HAUS4: variants seen among roughly 807,000 people sequenced by gnomAD.
HAUS4 encodes HAUS augmin like complex subunit 4, also known as HAUS augmin-like complex subunit 4.
HAUS4 carries 34 observed loss-of-function variants against 50.6 expected under a neutral mutation model. That is an observed-to-expected ratio of 0.67 (90% CI 0.51 to 0.90). The LOEUF is 0.90. Among genes scored for constraint, HAUS4 ranks in the 40% least tolerant of loss-of-function variants. The pLI is 0.00. For missense variants in HAUS4, 370 were observed against 428.7 expected (o/e 0.86, Z 1.21); for synonymous variants, 149 against 161.4 (o/e 0.92, Z 0.58).
intron 8 of HAUS4, 118 bp downstream of exon 8, chr14:22,947,483 C>T (rs1373198832): frequency 5.4e-6 from 6 of 1,102,998 alleles, no homozygotes; most frequent in Non-Finnish European, 7.9e-6. Context: ...TGCTATGTGA[C>T]ATTTACTGGA....
At position 22,951,685 on chromosome 14, in the gene HAUS4, T is replaced by C; in HGVS notation, c.335A>G (p.His112Arg). 3 of 1,603,176 alleles carry C rather than the reference T, an allele frequency of 1.9e-6. No individual in the cohort carries two copies. The highest frequency in any genetic ancestry group is 1.7e-6 in the Non-Finnish European group (2 of 1,175,688). ...TNVTSEDKKF[H>R]ETLEQRLLVT... is the part of the protein sequence containing the mutation. ...AAGCAGCCGCTGTTCAAGGGTCTCA[T>C]GAAACTGAGAGAGAGAGAATAAAAA... Residue 112 changes from histidine (H) to arginine (R), a missense_variant, in exon 5 of 10, where the codon CAT (histidine) becomes CGT (arginine). His to Arg is a conservative substitution (Grantham distance 29). Coordinates refer to ENST00000541587, the MANE Select transcript of HAUS4 (RefSeq NM_001166269.2).
At chr14:22,956,239 T>C (rs2044861695) in intron 1 of HAUS4, among the ~76,000 whole-genome samples, 1 of 152,148 alleles carries the variant, frequency 6.6e-6, no homozygotes, top group South Asian at 2.1e-4. Context: ...TTCTGAGAAC[T>C]TAAGGAAAAT....
Position 22,952,452 on chromosome 14 carries a change from T to C in HAUS4, c.206A>G (p.Lys69Arg), listed in dbSNP as rs1245467135. ...TLAKEQAQAWKEVRLHKTTWL... is the reference protein window; with the variant it reads ...TLAKEQAQAWREVRLHKTTWL... ...TGTTGTCTTATGCAGTCGAACTTCCTTCCATGCCTAGAAATCCAAAAAATC... is the reference window on the plus strand; with the variant it reads ...TGTTGTCTTATGCAGTCGAACTTCCCTCCATGCCTAGAAATCCAAAAAATC... Residue 69 changes from lysine to arginine, a missense_variant, in exon 4 of 10, where the codon AAG becomes AGG. Transcript: ENST00000541587. 1.2e-6 allele frequency: 2 copies of C among 1,614,016 alleles called. No homozygotes were observed. The highest frequency in any genetic ancestry group is 1.3e-5 in the African/African-American group (1 of 74,944).
Position 22,946,722 on chromosome 14 carries a change from C to A in HAUS4, c.909-14G>T. 1.3e-6 allele frequency: 2 copies of A among 1,585,206 alleles called. No individual in the cohort carries two copies. Among genetic ancestry groups the A allele is most frequent in the Non-Finnish European group, 1.7e-6 (2 of 1,164,292 alleles). On this transcript the variant is annotated splice_polypyrimidine_tract_variant and intron_variant, in intron 9 of 9. Transcript: ENST00000541587. Reference sequence around the variant, plus strand: ...TCCAAACGGTCCCTAAGAGCCCGGGCAGAGAAGGCACAATATAAGGGTGCT... The same window carrying A: ...TCCAAACGGTCCCTAAGAGCCCGGGAAGAGAAGGCACAATATAAGGGTGCT...
At position 22,947,658 on chromosome 14, in the gene HAUS4, T is replaced by C; in HGVS notation, c.782A>G (p.Asp261Gly). The C allele has an allele frequency of 6.2e-7, 1 of 1,614,068 alleles. No individual in the cohort carries two copies. The highest frequency in any genetic ancestry group is 8.5e-7 in the Non-Finnish European group (1 of 1,179,978). ...EHRLKTQSEL[D>G]RINAQYLEVK... ...TTCCAGGTACTGGGCATTGATGCGG[T>C]CTAGCTCGGATTGAGTCTTCAGCCG... Residue 261 changes from aspartate (D) to glycine (G), a missense_variant, in exon 8 of 10, where the codon GAC (aspartate) becomes GGC (glycine). By Grantham distance (94) the Asp-to-Gly change is moderately conservative. Coordinates refer to ENST00000541587, the MANE Select transcript of HAUS4 (RefSeq NM_001166269.2).
intron 6 of HAUS4, among the ~76,000 whole-genome samples, chr14:22,949,954 C>A (rs1176515103): frequency 6.6e-6 from 1 of 151,930 alleles, no homozygotes; most frequent in Admixed American, 6.6e-5. Flanking sequence ...CATGGAGAAA[C>A]CCCATCTCTA....
In HAUS4 at chr14:22,947,877, A is replaced by C. The variant is rs747132595; in HGVS notation, c.699T>G (p.Ala233=). Residue 233 remains alanine (A), a synonymous_variant, in exon 7 of 10, where the codon GCT becomes GCG. Transcript: ENST00000541587. The part of the protein sequence containing the change: ...QMLLLEKKSA[A]YSQVLLRCLT... ...CCATGCCCTGATAAACCTGGGAGTA[A>C]GCAGCACTCTTCTTCTCCAGCAGCA... 6.2e-7 allele frequency: 1 copy of C among 1,613,528 alleles called. No homozygotes were observed. The highest frequency in any genetic ancestry group is 1.1e-5 in the South Asian group (1 of 91,010).
chr14:22,947,825 G>A lies in HAUS4; in HGVS notation c.708+43C>T, dbSNP rs758158148. 2.9e-5 allele frequency: 47 copies of A among 1,610,416 alleles called. No individual in the cohort carries two copies. The Admixed American group carries it at 7.7e-4, about 26-fold the overall frequency. The stretch of plus-strand genomic sequence containing the variant: ...TTTGTCTTCCCCAAAAGTGCTCCTG[G>A]GGTCAGGATAAAGGAAAGGGGCTGT... On this transcript the variant is annotated intron_variant, in intron 7 of 9. Transcript: ENST00000541587.
intron 4 of HAUS4, 58 bp from the exon 5 acceptor site, chr14:22,951,747 C>A: frequency 6.8e-7 from 1 of 1,474,832 alleles, no homozygotes; most frequent in South Asian, 1.2e-5. Flanking sequence ...TCCCACTCCA[C>A]CTCTTCCATC....
chr14:22,946,799 T>TG (rs2044650831), intron 9 of HAUS4, 91 bp from the exon 10 acceptor site: 1 of 874,198 alleles, frequency 1.1e-6, no homozygotes, highest in East Asian at 2.8e-5. Context: ...TTTTTTTTTT[T>TG]GTCAGATGGA....
chr14:22,949,079 C>T (rs2044699624), intron 6 of HAUS4, among the ~76,000 whole-genome samples: 1 of 150,708 alleles, frequency 6.6e-6, no homozygotes, highest in South Asian at 2.1e-4. Flanking sequence ...ATTGCTTGAA[C>T]CTCGGAGGCG....
rs200142609 is a variant in HAUS4 at position 22,946,724 on chromosome 14, G to A, written c.909-16C>T. 1.3e-5 allele frequency: 20 copies of A among 1,587,180 alleles called. No individual in the cohort carries two copies. In the Admixed American group the frequency reaches 2.5e-4, roughly 20 times the overall value. ...CAAACGGTCCCTAAGAGCCCGGGCA[G>A]AGAAGGCACAATATAAGGGTGCTGC... On this transcript the variant is annotated splice_polypyrimidine_tract_variant and intron_variant, in intron 9 of 9. Coordinates refer to ENST00000541587, the MANE Select transcript of HAUS4 (RefSeq NM_001166269.2).
chr14:22,947,541 G>T, intron 8 of HAUS4, 60 bp downstream of exon 8: 1 of 1,580,744 alleles, frequency 6.3e-7, no homozygotes, highest in Non-Finnish European at 8.7e-7. Flanking sequence ...TTAGGGTAAG[G>T]GATAGAGGGC....
At chr14:22,955,334 A>G in intron 1 of HAUS4, 158 bp from the exon 2 acceptor site, 3 of 625,508 alleles carry the variant, frequency 4.8e-6, no homozygotes, top group Non-Finnish European at 8.6e-6. Context: ...CTGGGTCCCA[A>G]GCTCTTACAC....
intron 4 of HAUS4, among the ~76,000 whole-genome samples, 157 bp downstream of exon 4, chr14:22,952,171 C>T (rs940003012): frequency 2.0e-5 from 3 of 152,222 alleles, no homozygotes; most frequent in African/African-American, 7.2e-5. Context: ...GCGTGTGCCA[C>T]TGCACCTGGT....
chr14:22,949,996 C>T (rs763848488), intron 6 of HAUS4, among the ~76,000 whole-genome samples: 7 of 151,808 alleles, frequency 4.6e-5, no homozygotes, highest in Non-Finnish European at 7.4e-5. Context: ...AGCGGGGTGG[C>T]GCATGCCTGT....
intron 6 of HAUS4, among the ~76,000 whole-genome samples, chr14:22,949,241 C>T (rs1476977188): frequency 1.3e-5 from 2 of 149,442 alleles, no homozygotes; most frequent in Admixed American, 6.7e-5. Context: ...AAATGATACA[C>T]ATTCAGGGCC....
Position 22,952,457 on chromosome 14 carries a change from T to C in HAUS4, c.201A>G (p.Ala67=), listed in dbSNP as rs758867830. Residue 67 remains alanine (A), a splice_region_variant and synonymous_variant, in exon 4 of 10, where the codon GCA becomes GCG. Transcript: ENST00000541587. The stretch of plus-strand genomic sequence containing the variant: ...TCTTATGCAGTCGAACTTCCTTCCA[T>C]GCCTAGAAATCCAAAAAATCTCAGG... ...SLTLAKEQAQ[A]WKEVRLHKTT... 2.5e-6 allele frequency: 4 copies of C among 1,614,078 alleles called. No homozygotes were observed. The highest frequency in any genetic ancestry group is 3.4e-6 in the Non-Finnish European group (4 of 1,179,974).
In HAUS4 at chr14:22,947,655, C is replaced by A. The variant is rs765335506; in HGVS notation, c.785G>T (p.Arg262Leu). The change falls in exon 8 of 10, where the codon CGC becomes CTC. Residue 262 changes from arginine to leucine, a missense_variant. Transcript: ENST00000541587. ...HRLKTQSELD[R>L]INAQYLEVKC... ...GACTTCCAGGTACTGGGCATTGATG[C>A]GGTCTAGCTCGGATTGAGTCTTCAG... The A allele has an allele frequency of 3.1e-6, 5 of 1,613,890 alleles. No individual in the cohort carries two copies. In the African/African-American group the frequency reaches 5.3e-5, roughly 17 times the overall value.
Sources: gnomAD v4.1 joint callset for allele counts (sites outside exome capture counted in the v4.1 genomes callset) on GRCh38, gnomAD v4.1.1 for gene constraint, MANE v1.5 for transcripts, NCBI Gene and HGNC (gene_info 2026-07-23, HGNC 2026-07-21) for gene names.